Variants in POC1B observed in about 807,000 individuals in gnomAD.
POC1B encodes the protein POC1 centriolar protein homolog B.
In POC1B, 44 loss-of-function variants were observed where a neutral mutation model predicts 60.6. That is an observed-to-expected ratio of 0.73 (90% CI 0.57 to 0.93). The LOEUF is 0.93. Among genes scored for constraint, POC1B ranks in the 40% least tolerant of loss-of-function variants. POC1B has a pLI of 0.00. For synonymous variants in POC1B, 180 were observed against 198.9 expected, an observed-to-expected ratio of 0.90 and a Z score of 0.80; for missense variants, 555 against 572.3, an observed-to-expected ratio of 0.97 and a Z score of 0.31.
intron 9 of POC1B, among the ~76,000 whole-genome samples, chr12:89,466,297 A>G (rs1365882102): frequency 6.6e-6 from 1 of 152,244 alleles, no homozygotes; most frequent in Non-Finnish European, 1.5e-5. Flanking sequence ...TATATATGCA[A>G]AATATATTCA....
At chr12:89,504,396 C>T (rs892648103) in intron 2 of POC1B, among the ~76,000 whole-genome samples, 9 of 152,070 alleles carry the variant, frequency 5.9e-5, no homozygotes, top group Non-Finnish European at 1.5e-5. Context: ...TAAACAGATG[C>T]TTGAAGGCAG....
chr12:89,493,573 T>G (rs1417881414), intron 3 of POC1B, among the ~76,000 whole-genome samples: 1 of 152,206 alleles, frequency 6.6e-6, no homozygotes, highest in Non-Finnish European at 1.5e-5. Context: ...ACTAGCTCAG[T>G]GAAGTTTCAA....
At chr12:89,415,642 CAAA>C (rs35705271), downstream of POC1B, among the ~76,000 whole-genome samples, 1 of 124,226 alleles carries the variant, frequency 8.0e-6, no homozygotes, top group African/African-American at 2.8e-5. Flanking sequence ...GACTCCGTCT[CAAA>C]AAAAAAAAAA....
At chr12:89,467,068 C>CT (rs1159960561) in intron 8 of POC1B, 146 bp from the exon 9 acceptor site, 17 of 573,186 alleles carry the variant, frequency 3.0e-5, no homozygotes, top group Non-Finnish European at 4.7e-5. Flanking sequence ...TTCTCAATAT[C>CT]TTTTTTTAAG....
chr12:89,463,382 C>T (rs1367746621), intron 9 of POC1B, among the ~76,000 whole-genome samples: 1 of 152,066 alleles, frequency 6.6e-6, no homozygotes, highest in Non-Finnish European at 1.5e-5. Flanking sequence ...GTCTTCTCAT[C>T]AAAATGTGTA....
chr12:89,412,841 T>TCCTTCCTTTCCTTCCTCCCTC, the POC1B span, among the ~76,000 whole-genome samples: 1 of 125,978 alleles, frequency 7.9e-6, no homozygotes, highest in Admixed American at 7.8e-5. Flanking sequence ...CTTCCTTCCT[T>TCCTTCCTTTCCTTCCTCCCTC]CCTTCCTTTC....
At chr12:89,426,644 A>T (rs1880776014) in intron 10 of POC1B, 1 of 152,090 alleles carries the variant, frequency 6.6e-6, no homozygotes, top group African/African-American at 2.4e-5. Flanking sequence ...CCTGGCCAAC[A>T]TGGTGAAAGT....
intron 10 of POC1B, among the ~76,000 whole-genome samples, chr12:89,431,571 A>C (rs1300048115): frequency 1.3e-5 from 2 of 152,236 alleles, no homozygotes; most frequent in African/African-American, 4.8e-5. Context: ...TCAAAGAAAG[A>C]CTATATCATT....
chr12:89,508,165 T>A (rs1166155778), intron 2 of POC1B, among the ~76,000 whole-genome samples: 1 of 152,256 alleles, frequency 6.6e-6, no homozygotes. Flanking sequence ...AATGGTAGTA[T>A]ATTATTCTTG....
At chr12:89,500,723 GATAAAGTT>G in intron 2 of POC1B, 2 of 1,284,958 alleles carry the variant, frequency 1.6e-6, no homozygotes, top group Non-Finnish European at 2.2e-6. Context: ...AAACTTTGAA[GATAAAGTT>G]ATTTTAAAGA....
the POC1B span, among the ~76,000 whole-genome samples, chr12:89,404,545 G>T: frequency 6.6e-6 from 1 of 152,148 alleles, no homozygotes; most frequent in South Asian, 2.1e-4. Flanking sequence ...CCTGTGGCTG[G>T]AGGTACAGTA....
Position 89,466,879 on chromosome 12 carries a change from C to CCTTTA in POC1B, c.918_922dup (p.Gly308ValfsTer38). The stretch of plus-strand genomic sequence containing the variant: ...TCTTTTGAGATTTCTTTTGGTAAGA[C>CCTTTA]CTTTACAATGCAATTCATCAAAGTT... On this transcript the variant is annotated frameshift_variant, in exon 9 of 12. Transcript: ENST00000313546. LOFTEE classifies it high-confidence loss of function. 6.2e-7 allele frequency: 1 copy of CCTTTA among 1,613,004 alleles called. No homozygotes were observed.
chr12:89,491,286 T>C (rs1175390670), intron 4 of POC1B, among the ~76,000 whole-genome samples: 31 of 152,138 alleles, frequency 2.0e-4, no homozygotes, highest in Admixed American at 2.0e-3. Flanking sequence ...GACATCTTTC[T>C]TACAGAAAGG....
rs141839725 is a variant in POC1B, at chr12:89,523,604, C to T, written c.100+1516G>A. 27 of 1,560,604 alleles carry T rather than the reference C, an allele frequency of 1.7e-5. No homozygotes were observed. In the East Asian group the frequency reaches 4.7e-4, roughly 27 times the overall value. Reference sequence around the variant, plus strand: ...AGGTACTGAAAATATTTCTTGCTGACAGCAAACAGTCCTCCAGCCATGGTA... The same window carrying T: ...AGGTACTGAAAATATTTCTTGCTGATAGCAAACAGTCCTCCAGCCATGGTA... On this transcript the variant is annotated intron_variant, in intron 2 of 11. Transcript: ENST00000313546.
chr12:89,428,831 C>A (rs1379466278), intron 10 of POC1B: 1 of 152,252 alleles, frequency 6.6e-6, no homozygotes, highest in African/African-American at 2.4e-5. Flanking sequence ...GCTGGGATTA[C>A]AGGAGTGAGC....
rs1490301180 is a variant in POC1B, at chr12:89,459,620, A to AC, written c.1113+17_1113+18insG. 1.3e-5 allele frequency: 18 copies of AC among 1,367,938 alleles called. No homozygotes were observed. The Admixed American group carries it at 1.5e-4, about 11-fold the overall frequency. The allele number at this position is 1,367,938 out of a possible 1,614,324, so 84.7% of individuals were successfully genotyped here. On this transcript the variant is annotated intron_variant, in intron 10 of 11. Coordinates refer to ENST00000313546, the MANE Select transcript of POC1B (RefSeq NM_172240.3). ...ATGCCACTTAAGTGTCAAAAAAAAA[A>AC]AAAAAAACCCGACTTACTGTGGTAG...
intron 10 of POC1B, among the ~76,000 whole-genome samples, chr12:89,435,970 G>A (rs571184104): frequency 6.7e-6 from 1 of 149,870 alleles, no homozygotes; most frequent in East Asian, 2.0e-4. Flanking sequence ...TTTTGAGACA[G>A]AATCTCACTA....
chr12:89,449,626 G>A (rs1881955725), intron 10 of POC1B, among the ~76,000 whole-genome samples: 1 of 152,120 alleles, frequency 6.6e-6, no homozygotes, highest in Non-Finnish European at 1.5e-5. Flanking sequence ...AATGGCAATC[G>A]ACATTCCAAT....
intron 10 of POC1B, among the ~76,000 whole-genome samples, chr12:89,443,745 A>C (rs1418647355): frequency 5.9e-5 from 9 of 151,928 alleles, no homozygotes; most frequent in African/African-American, 2.2e-4. Flanking sequence ...GCAAGAAATA[A>C]CTAAGATCAG....
Sources: allele counts gnomAD v4.1 joint callset (sites outside exome capture counted in the v4.1 genomes callset), GRCh38; gene constraint gnomAD v4.1.1; transcripts MANE v1.5; gene names NCBI Gene and HGNC (gene_info 2026-07-23, HGNC 2026-07-21).